Variants in METTL16 observed in about 807,000 individuals in gnomAD.
METTL16 encodes methyltransferase 16, RNA N6-adenosine.
Under a neutral mutation model 57.9 loss-of-function variants are expected in METTL16, and 19 were observed. The observed-to-expected ratio is 0.33, with a 90% CI of 0.23 to 0.48. The LOEUF is 0.48. METTL16 is among the 20% of genes least tolerant of loss of function. The pLI, the probability that METTL16 is intolerant of heterozygous loss-of-function variation, is 0.99. For missense variants in METTL16, 434 were observed against 691.5 expected (o/e 0.63, Z 4.18); for synonymous variants, 246 against 255.6 (o/e 0.96, Z 0.36).
intron 7 of METTL16, among the ~76,000 whole-genome samples, chr17:2,438,719 C>G (rs1450708471): frequency 6.6e-6 from 1 of 152,216 alleles, no homozygotes; most frequent in Non-Finnish European, 1.5e-5. Context: ...GTCTCAAACT[C>G]CTGACCTCAG....
intron 1 of METTL16, among the ~76,000 whole-genome samples, chr17:2,507,335 C>T (rs1452475040): frequency 1.4e-5 from 2 of 139,294 alleles, no homozygotes; most frequent in South Asian, 2.3e-4. Flanking sequence ...GTGGGGGGGT[C>T]AGCCCCCCAC....
At chr17:2,468,899 TG>T (rs2067218834) in intron 4 of METTL16, among the ~76,000 whole-genome samples, 1 of 146,156 alleles carries the variant, frequency 6.8e-6, no homozygotes, top group Non-Finnish European at 1.5e-5. Flanking sequence ...AATAAAAAAA[TG>T]TTTTTTTTTT....
chr17:2,437,102 G>A (rs566098049), intron 8 of METTL16, among the ~76,000 whole-genome samples: 20 of 152,006 alleles, frequency 1.3e-4, no homozygotes, highest in Non-Finnish European at 2.6e-4. Flanking sequence ...GGCTGGTTTC[G>A]AACTCCTGAG....
rs1436790312 is a variant in METTL16, at chr17:2,420,685, G to C, written c.1062+46C>G. ...AAAAAAAAAAAGAAAAAAGAAAAAA[G>C]AGAAGGATCATTATGAGTACTTCGT... On this transcript the variant is annotated intron_variant, in intron 9 of 9. Coordinates refer to ENST00000263092, the MANE Select transcript of METTL16 (RefSeq NM_024086.4). This position sits in a 1 kb window ranked among gnomAD's most constrained non-coding sequence, Gnocchi z 5.4. 6.4e-7 allele frequency: 1 copy of C among 1,565,166 alleles called. No homozygotes were observed. Among genetic ancestry groups the C allele is most frequent in the East Asian group, 2.2e-5 (1 of 44,488 alleles).
chr17:2,476,074 A>G (rs1184721814), intron 3 of METTL16, among the ~76,000 whole-genome samples: 1 of 152,172 alleles, frequency 6.6e-6, no homozygotes, highest in Non-Finnish European at 1.5e-5. Flanking sequence ...TCAACAGGAA[A>G]CAGTGATAGA....
At chr17:2,429,729 T>C (rs1279250747) in intron 8 of METTL16, among the ~76,000 whole-genome samples, 1 of 151,824 alleles carries the variant, frequency 6.6e-6, no homozygotes, top group Non-Finnish European at 1.5e-5. Flanking sequence ...ATATACCACA[T>C]ACCACCTGCA....
At chr17:2,471,042 T>A (rs553219305) in intron 4 of METTL16, among the ~76,000 whole-genome samples, 5 of 152,176 alleles carry the variant, frequency 3.3e-5, no homozygotes, top group Non-Finnish European at 5.9e-5. Context: ...ATAGATATAG[T>A]CTTTTCAAGA....
chr17:2,507,826 C>T (rs1035411320), intron 1 of METTL16, among the ~76,000 whole-genome samples: 1 of 152,178 alleles, frequency 6.6e-6, no homozygotes, highest in Non-Finnish European at 1.5e-5. Flanking sequence ...TGTGACCTTA[C>T]CCCCAACCCT....
chr17:2,481,436 A>G (rs2067305588), intron 2 of METTL16, among the ~76,000 whole-genome samples: 1 of 152,162 alleles, frequency 6.6e-6, no homozygotes, highest in South Asian at 2.1e-4. Flanking sequence ...CTTCAACGAT[A>G]CAGAGAAGAA....
At chr17:2,459,208 CAGAA>C (rs1567893253) in intron 6 of METTL16, among the ~76,000 whole-genome samples, 1 of 152,224 alleles carries the variant, frequency 6.6e-6, no homozygotes, top group African/African-American at 2.4e-5. Context: ...TCATCAACGA[CAGAA>C]AGGCTCTTCA....
intron 8 of METTL16, among the ~76,000 whole-genome samples, chr17:2,432,616 C>G (rs2066881667): frequency 6.6e-6 from 1 of 151,890 alleles, no homozygotes; most frequent in Non-Finnish European, 1.5e-5. Context: ...ATCCGACGCT[C>G]ACGGTCATCG....
chr17:2,467,649 A>T, intron 5 of METTL16, 112 bp downstream of exon 5: 1 of 727,248 alleles, frequency 1.4e-6, no homozygotes, highest in Non-Finnish European at 2.4e-6. Flanking sequence ...GCTGGTCTCA[A>T]ACTCCTGACT....
At position 2,506,934 on chromosome 17, in the gene METTL16, C is replaced by G. The variant is rs567795560; in HGVS notation, c.1-4603G>C. On this transcript the variant is annotated intron_variant, in intron 1 of 9. Transcript: ENST00000263092. ...GATGTGAGGAGCATCTCTGCCCGGC[C>G]GCCCCGTCTGAGAAGTGAGGAGACC... Among the ~76,000 whole-genome samples the G allele has an allele frequency of 5.9e-5, 9 of 151,818 alleles. No individual in the cohort carries two copies. The South Asian group carries it at 1.7e-3, about 28-fold the overall frequency.
chr17:2,439,050 C>T lies in METTL16; in HGVS notation c.799-852G>A, dbSNP rs539941822. Among the ~76,000 whole-genome samples, 5 of 152,272 alleles carry T rather than the reference C, an allele frequency of 3.3e-5. No homozygotes were observed. The East Asian group carries it at 7.7e-4, about 23-fold the overall frequency. ...TTTTGCTGAGAAGTCCTCTGACTCA[C>T]ACTAAAAACCAGAAACTGGGAGGAA... is the stretch of plus-strand genomic sequence containing the variant. On this transcript the variant is annotated intron_variant, in intron 7 of 9. Coordinates refer to ENST00000263092, the MANE Select transcript of METTL16 (RefSeq NM_024086.4).
chr17:2,471,681 C>T (rs550622248), intron 4 of METTL16, among the ~76,000 whole-genome samples: 8 of 151,700 alleles, frequency 5.3e-5, no homozygotes, highest in South Asian at 2.1e-4. Flanking sequence ...CCCAGCTACT[C>T]GGGAGGTGAG....
intron 8 of METTL16, among the ~76,000 whole-genome samples, chr17:2,435,038 A>G (rs140638937): frequency 1.3e-5 from 2 of 152,372 alleles, no homozygotes; most frequent in East Asian, 3.9e-4. Context: ...GCTTGTTAGA[A>G]TTCTGCAGAG....
At chr17:2,435,186 C>G (rs1597441914) in intron 8 of METTL16, among the ~76,000 whole-genome samples, 1 of 152,102 alleles carries the variant, frequency 6.6e-6, no homozygotes, top group Non-Finnish European at 1.5e-5. Context: ...ACTTGAATCA[C>G]CAGTGAATTA....
At chr17:2,488,630 G>A (rs1036316629) in intron 2 of METTL16, among the ~76,000 whole-genome samples, 1 of 152,110 alleles carries the variant, frequency 6.6e-6, no homozygotes, top group African/African-American at 2.4e-5. Context: ...ACATGGATAA[G>A]TCTTTGAGGA....
In METTL16 at chr17:2,486,462, G is replaced by A. The variant is rs538475761; in HGVS notation, c.129-8577C>T. Among the ~76,000 whole-genome samples, 16 of 151,956 alleles carry A rather than the reference G, an allele frequency of 1.1e-4. No individual in the cohort carries two copies. The South Asian group carries it at 2.7e-3, about 26-fold the overall frequency. On this transcript the variant is annotated intron_variant, in intron 2 of 9. Coordinates refer to ENST00000263092, the MANE Select transcript of METTL16 (RefSeq NM_024086.4). ...AATTTTTTGTATTTTTAGTAGAGAC[G>A]GGGTTTCACCGTGTCAGGCAGGATG... is the stretch of plus-strand genomic sequence containing the variant.
Sources: allele counts gnomAD v4.1 joint callset (sites outside exome capture counted in the v4.1 genomes callset), GRCh38; gene constraint gnomAD v4.1.1; non-coding constraint Gnocchi (gnomAD v3.1); transcripts MANE v1.5; gene names NCBI Gene and HGNC (gene_info 2026-07-23, HGNC 2026-07-21).